The following ZNF675 variants were observed in gnomAD, a reference collection of about 807,000 sequenced individuals.
ZNF675 encodes zinc finger protein 675.
In ZNF675, 36 loss-of-function variants were observed where a neutral mutation model predicts 56.1. The ratio of observed to expected loss-of-function variants is 0.64; its 90% CI spans 0.49 to 0.85. ZNF675 has a LOEUF of 0.85. ZNF675 is among the 40% of genes least tolerant of loss of function. The probability of loss-of-function intolerance (pLI) is 0.00; values close to 1 mark genes in which losing one functional copy is unlikely to be tolerated. For missense variants in ZNF675, 663 were observed against 654.2 expected, an observed-to-expected ratio of 1.01 and a Z score of -0.15; for synonymous variants, 200 against 218.9, an observed-to-expected ratio of 0.91 and a Z score of 0.76.
chr19:23,672,616 C>A (rs1190194043), intron 1 of ZNF675, among the ~76,000 whole-genome samples: 1 of 152,202 alleles, frequency 6.6e-6, no homozygotes, highest in African/African-American at 2.4e-5. Flanking sequence ...GTCAGATAAA[C>A]CTGGCTCTGC....
At chr19:23,655,376 C>T (rs1403464566) in intron 3 of ZNF675, 1 of 153,504 alleles carries the variant, frequency 6.5e-6, no homozygotes, top group Non-Finnish European at 1.4e-5. Flanking sequence ...CCAGCATCTG[C>T]TTCTGGTGAG....
chr19:23,669,875 A>C (rs918031417), intron 1 of ZNF675, among the ~76,000 whole-genome samples: 4 of 136,662 alleles, frequency 2.9e-5, no homozygotes, highest in African/African-American at 1.1e-4. Flanking sequence ...AAAAAAAAAA[A>C]CAACACCTCA....
At chr19:23,656,080 A>C (rs1422797320) in intron 3 of ZNF675, 1 of 152,172 alleles carries the variant, frequency 6.6e-6, no homozygotes, top group African/African-American at 2.4e-5. Context: ...ACACAGTAAA[A>C]TCTTCTAACA....
Position 23,662,148 on chromosome 19 carries a change from A to C in ZNF675, c.192T>G (p.Thr64=). The change falls in exon 3 of 4, where the codon ACT becomes ACG. Residue 64 remains threonine (T), a synonymous_variant. Transcript: ENST00000359788. ...CATTCACCATCTCATGTCTCTTCAC[A>C]GTCAAAGGCTCTTTTTCTTGCTCCA... is the stretch of plus-strand genomic sequence containing the variant. ...TCLEQEKEPL[T]VKRHEMVNEP... 1 of 1,613,624 alleles carries C rather than the reference A, an allele frequency of 6.2e-7. No individual in the cohort carries two copies. Among genetic ancestry groups the C allele is most frequent in the Non-Finnish European group, 8.5e-7 (1 of 1,179,814 alleles).
At chr19:23,663,001 A>T (rs1402175952) in intron 2 of ZNF675, 31 bp downstream of exon 2, 1 of 1,541,544 alleles carries the variant, frequency 6.5e-7, no homozygotes, top group Admixed American at 2.2e-5. Flanking sequence ...AACAAAAAAA[A>T]AAAGAAACTG....
chr19:23,659,248 G>T (rs1256875878), intron 3 of ZNF675, among the ~76,000 whole-genome samples: 1 of 151,904 alleles, frequency 6.6e-6, no homozygotes, highest in Non-Finnish European at 1.5e-5. Context: ...CTAGCATATT[G>T]TTCTAAATTT....
chr19:23,653,849 G>C lies in ZNF675; in HGVS notation c.1084C>G (p.His362Asp), dbSNP rs1967943953. Residue 362 changes from histidine to aspartate, a missense_variant, in exon 4 of 4, where the codon CAT (histidine) becomes GAT (aspartate). Physicochemically the swap from His to Asp is moderately conservative, Grantham distance 81. This residue lies in a region of ZNF675 where 617 missense variants were observed against 590.5 expected (regional missense o/e 1.04). Coordinates refer to ENST00000359788, the MANE Select transcript of ZNF675 (RefSeq NM_138330.3). ...SSKLTEHKNI[H>D]TGEQPYKCEE... ...CATTTGTAGGGTTGCTCTCCAGTAT[G>C]AATGTTTTTATGTTCAGTAAGTTTT... is the stretch of plus-strand genomic sequence containing the variant. The C allele has an allele frequency of 1.2e-6, 2 of 1,613,662 alleles. No homozygotes were observed. Among genetic ancestry groups the C allele is most frequent in the African/African-American group, 1.3e-5 (1 of 74,884 alleles).
intron 3 of ZNF675, among the ~76,000 whole-genome samples, chr19:23,657,414 T>C (rs183156493): frequency 1.1e-4 from 16 of 152,328 alleles, no homozygotes; most frequent in African/African-American, 3.4e-4. Flanking sequence ...ATTAAACACA[T>C]GGTGAAAATA....
At chr19:23,670,716 C>G (rs1474695626) in intron 1 of ZNF675, among the ~76,000 whole-genome samples, 1 of 152,120 alleles carries the variant, frequency 6.6e-6, no homozygotes, top group Non-Finnish European at 1.5e-5. Context: ...CTCTATATAA[C>G]TGATACGCAA....
chr19:23,674,375 C>T (rs1344705615), intron 1 of ZNF675, among the ~76,000 whole-genome samples: 1 of 151,316 alleles, frequency 6.6e-6, no homozygotes, highest in African/African-American at 2.4e-5. Context: ...GCCACAGGGG[C>T]TCAACGCCTG....
chr19:23,658,045 G>C (rs1968011089), intron 3 of ZNF675, among the ~76,000 whole-genome samples: 1 of 152,024 alleles, frequency 6.6e-6, no homozygotes, highest in Non-Finnish European at 1.5e-5. Flanking sequence ...AATCTTGCAG[G>C]CAACACTGAT....
chr19:23,664,366 C>A (rs1304731451), intron 1 of ZNF675, among the ~76,000 whole-genome samples: 8 of 151,954 alleles, frequency 5.3e-5, no homozygotes, highest in Admixed American at 5.3e-4. Context: ...CAGAAAAAGT[C>A]CACCCATTTC....
intron 1 of ZNF675, among the ~76,000 whole-genome samples, chr19:23,679,182 A>G (rs1399509311): frequency 6.6e-6 from 1 of 150,480 alleles, no homozygotes; most frequent in African/African-American, 2.5e-5. Context: ...AAAAAAAAAA[A>G]AGAGAACAAA....
chr19:23,664,798 C>T (rs560544286), intron 1 of ZNF675, among the ~76,000 whole-genome samples: 2 of 151,526 alleles, frequency 1.3e-5, no homozygotes, highest in Non-Finnish European at 2.9e-5. Context: ...TAAAAATACA[C>T]AAATTAGCCA....
chr19:23,662,255 CA>C lies in ZNF675; in HGVS notation c.131-47del, dbSNP rs1968088969. 8.1e-6 allele frequency: 11 copies of C among 1,359,318 alleles called. No individual in the cohort carries two copies. The East Asian group carries it at 9.2e-5, about 11-fold the overall frequency. The allele number at this position is 1,359,318 out of a possible 1,614,324, so 84.2% of individuals were successfully genotyped here. On this transcript the variant is annotated intron_variant, in intron 2 of 3. Coordinates refer to ENST00000359788, the MANE Select transcript of ZNF675 (RefSeq NM_138330.3). ...TAACATTAATTTTGCTCATATTCTC[CA>C]ATTACCAACCTAGTAATGTGCTCAG... is the stretch of plus-strand genomic sequence containing the variant.
intron 1 of ZNF675, among the ~76,000 whole-genome samples, chr19:23,667,558 G>A (rs939641249): frequency 1.3e-5 from 2 of 152,158 alleles, no homozygotes; most frequent in Admixed American, 6.5e-5. Context: ...TCGACACAAA[G>A]GTTCTCCAAG....
At chr19:23,668,154 T>C (rs1968179389) in intron 1 of ZNF675, among the ~76,000 whole-genome samples, 1 of 151,620 alleles carries the variant, frequency 6.6e-6, no homozygotes, top group Admixed American at 6.6e-5. Context: ...CACAGGGTGC[T>C]GATTGGTGTT....
chr19:23,653,921 T>C lies in ZNF675; in HGVS notation c.1012A>G (p.Lys338Glu), dbSNP rs757364007. The change falls in exon 4 of 4, where the codon AAA becomes GAA. Residue 338 changes from lysine (K) to glutamate (E), a missense_variant. Around this residue, in one of 3 missense-constraint regions of ZNF675, gnomAD observed 617 missense variants for 590.5 expected, o/e 1.04. Transcript: ENST00000359788. ...CCACATTCTTCACATTTGTAGGGTT[T>C]TTCTCCAGTATGAATTCTCTTATGT... ...TTHKRIHTGE[K>E]PYKCEECGKA... The C allele has an allele frequency of 1.9e-6, 3 of 1,613,426 alleles. No homozygotes were observed. Among genetic ancestry groups the C allele is most frequent in the Admixed American group, 1.7e-5 (1 of 59,990 alleles).
intron 1 of ZNF675, 30 bp downstream of exon 1, chr19:23,687,001 C>T (rs766914401): frequency 1.9e-6 from 3 of 1,613,672 alleles, no homozygotes; most frequent in East Asian, 2.2e-5. Context: ...CCCCTTCCCC[C>T]TCTCGGGATG....
Sources: gnomAD v4.1 joint callset for allele counts (sites outside exome capture counted in the v4.1 genomes callset) on GRCh38, gnomAD v4.1.1 for gene constraint, gnomAD v4.1.1 regional missense constraint, MANE v1.5 for transcripts, NCBI Gene and HGNC (gene_info 2026-07-23, HGNC 2026-07-21) for gene names.